The following PLCB4 variants were observed in gnomAD, a reference collection of about 807,000 sequenced individuals.
PLCB4 encodes the protein phospholipase C beta 4, also known as 1-phosphatidylinositol 4,5-bisphosphate phosphodiesterase beta-4.
Under a neutral mutation model 178.8 loss-of-function variants are expected in PLCB4, and 77 were observed. The observed-to-expected ratio is 0.43, with a 90% confidence interval of 0.36 to 0.52. PLCB4 has a LOEUF of 0.52. Among genes scored for constraint, PLCB4 ranks in the 20% least tolerant of loss-of-function variants. The pLI is 0.00. For missense variants in PLCB4, 1,024 were observed against 1,453.4 expected, an observed-to-expected ratio of 0.70 and a Z score of 4.80; for synonymous variants, 496 against 490.8, an observed-to-expected ratio of 1.01 and a Z score of -0.14.
intron 32 of PLCB4, among the ~76,000 whole-genome samples, chr20:9,448,095 T>G (rs1220440778): frequency 6.6e-6 from 1 of 152,216 alleles, no homozygotes; most frequent in African/African-American, 2.4e-5. Context: ...TGCTAAATTT[T>G]GAGGACTGTT....
intron 34 of PLCB4, among the ~76,000 whole-genome samples, 160 bp from the exon 35 acceptor site, chr20:9,459,475 C>T (rs966385921): frequency 6.6e-6 from 1 of 152,206 alleles, no homozygotes; most frequent in Admixed American, 6.5e-5. Context: ...TCCTGCTTCC[C>T]ATTGATTAAT....
intron 32 of PLCB4, among the ~76,000 whole-genome samples, chr20:9,451,586 G>T (rs1193938447): frequency 5.3e-5 from 8 of 152,114 alleles, no homozygotes; most frequent in African/African-American, 1.9e-4. Flanking sequence ...AATACATTCA[G>T]GGATACATCA....
At chr20:9,214,749 A>G (rs541295922) in intron 2 of PLCB4, among the ~76,000 whole-genome samples, 50 of 152,320 alleles carry the variant, frequency 3.3e-4, no homozygotes, top group African/African-American at 9.6e-4. Context: ...GTCAGTTGCA[A>G]TAGTTTGGCT....
rs572772168 is a variant in PLCB4 at position 9,477,456 on chromosome 20, G to A, written c.3532+703G>A. On this transcript the variant is annotated intron_variant, in intron 39 of 39. Coordinates refer to ENST00000378473, the MANE Select transcript of PLCB4 (RefSeq NM_001377142.1). ...CCTATGATTCTTCCTTCTACACCGT[G>A]GTCAATACTTTCTTCAGAAGCTAAA... Among the ~76,000 whole-genome samples the A allele has an allele frequency of 3.9e-5, 6 of 152,138 alleles. No homozygotes were observed. The South Asian group carries it at 1.2e-3, about 32-fold the overall frequency.
At chr20:9,170,236 AT>A (rs1361123225) in intron 2 of PLCB4, among the ~76,000 whole-genome samples, 1 of 152,198 alleles carries the variant, frequency 6.6e-6, no homozygotes, top group Non-Finnish European at 1.5e-5. Context: ...GATCAGTTTT[AT>A]TTCATGCAAG....
chr20:9,470,263 G>A lies in PLCB4; in HGVS notation c.3350+1591G>A, dbSNP rs182727802. The stretch of plus-strand genomic sequence containing the variant: ...GGAGAATTGCTTGAACCCCAGGGGC[G>A]GAGGTTGCAGTGAGCCGAGATCCTG... On this transcript the variant is annotated intron_variant, in intron 36 of 39. Transcript: ENST00000378473. Among the ~76,000 whole-genome samples the A allele has an allele frequency of 3.1e-3, 472 of 152,032 alleles. 2 individuals carry two copies. The highest frequency in any genetic ancestry group is 0.011 in the African/African-American group (443 of 41,486).
At chr20:9,355,631 A>C (rs1602062690) in intron 7 of PLCB4, among the ~76,000 whole-genome samples, 1 of 151,708 alleles carries the variant, frequency 6.6e-6, no homozygotes, top group South Asian at 2.1e-4. Context: ...TGAACTCATC[A>C]TTTTTTATGG....
intron 2 of PLCB4, among the ~76,000 whole-genome samples, chr20:9,211,175 G>T (rs577685962): frequency 9.9e-5 from 15 of 152,206 alleles, no homozygotes; most frequent in Non-Finnish European, 1.9e-4. Flanking sequence ...TGTGTTGCTT[G>T]GGTGCCTTGC....
At chr20:9,103,375 A>C (rs749992665) in intron 2 of PLCB4, among the ~76,000 whole-genome samples, 2 of 152,168 alleles carry the variant, frequency 1.3e-5, no homozygotes, top group Non-Finnish European at 2.9e-5. Flanking sequence ...GTAAGTAAGA[A>C]TTTTTTAAAT....
intron 3 of PLCB4, among the ~76,000 whole-genome samples, chr20:9,269,562 T>C (rs1176415492): frequency 6.6e-6 from 1 of 152,160 alleles, no homozygotes; most frequent in Non-Finnish European, 1.5e-5. Flanking sequence ...ACTTTGGCTA[T>C]ATTTTGCTGG....
chr20:9,348,122 A>G (rs904033707), intron 7 of PLCB4, among the ~76,000 whole-genome samples: 1 of 152,226 alleles, frequency 6.6e-6, no homozygotes, highest in African/African-American at 2.4e-5. Flanking sequence ...CCTGGACTAC[A>G]TCATCATGAC....
chr20:9,274,927 G>C (rs780987003), intron 3 of PLCB4, among the ~76,000 whole-genome samples: 2 of 151,984 alleles, frequency 1.3e-5, no homozygotes, highest in Non-Finnish European at 2.9e-5. Flanking sequence ...TCATTCAAGT[G>C]TAAGAAAAAT....
chr20:9,478,751 G>A (rs796229372), intron 39 of PLCB4, among the ~76,000 whole-genome samples, 170 bp from the exon 40 acceptor site: 17 of 152,206 alleles, frequency 1.1e-4, no homozygotes, highest in African/African-American at 3.4e-4. Flanking sequence ...AAGATTCTAC[G>A]TTTCTAAGAA....
At chr20:9,430,123 C>T (rs1000379516) in intron 28 of PLCB4, among the ~76,000 whole-genome samples, 19 of 152,146 alleles carry the variant, frequency 1.2e-4, no homozygotes, top group African/African-American at 4.1e-4. Context: ...GTGCATAATT[C>T]TCATGTTTTA....
chr20:9,209,322 T>C (rs1050759548), intron 2 of PLCB4, among the ~76,000 whole-genome samples: 12 of 152,122 alleles, frequency 7.9e-5, no homozygotes, highest in African/African-American at 1.2e-4. Flanking sequence ...CTGAGTTACA[T>C]AGATGACAAA....
chr20:9,459,919 C>A, intron 35 of PLCB4, 109 bp downstream of exon 35: 1 of 681,480 alleles, frequency 1.5e-6, no homozygotes, highest in Non-Finnish European at 2.5e-6. Context: ...TGACGTACAA[C>A]ATGTAGCTCT....
At chr20:9,079,116 A>G (rs139142680) in intron 1 of PLCB4, among the ~76,000 whole-genome samples, 79 of 152,322 alleles carry the variant, frequency 5.2e-4, no homozygotes, top group African/African-American at 1.8e-3. Flanking sequence ...GGTTTTGCTC[A>G]TGGAAATGTT....
intron 14 of PLCB4, among the ~76,000 whole-genome samples, chr20:9,386,016 G>A (rs2037613998): frequency 6.6e-6 from 1 of 152,228 alleles, no homozygotes; most frequent in Admixed American, 6.5e-5. Context: ...ACCCCGGGAG[G>A]CCGAGGCTGG....
At chr20:9,347,566 T>C (rs1373818179) in intron 7 of PLCB4, among the ~76,000 whole-genome samples, 37 of 152,360 alleles carry the variant, frequency 2.4e-4, no homozygotes, top group African/African-American at 8.4e-4. Context: ...GGAATATTTT[T>C]TTGATGAAAC....
Sources: allele counts gnomAD v4.1 joint callset (sites outside exome capture counted in the v4.1 genomes callset), GRCh38; gene constraint gnomAD v4.1.1; transcripts MANE v1.5; gene names NCBI Gene and HGNC (gene_info 2026-07-23, HGNC 2026-07-21).